The following TFAP2B variants were observed in gnomAD, a reference collection of about 807,000 sequenced individuals.
TFAP2B encodes the protein transcription factor AP-2-beta.
TFAP2B carries 9 observed loss-of-function variants against 44.3 expected under a neutral mutation model. That is an observed-to-expected ratio of 0.20 (90% CI 0.12 to 0.35). The LOEUF is 0.35. Among genes scored for constraint, TFAP2B ranks in the 10% least tolerant of loss-of-function variants. The pLI is 1.00. For missense variants in TFAP2B, 509 were observed against 600.0 expected (o/e 0.85, Z 1.59); for synonymous variants, 270 against 263.8 (o/e 1.02, Z -0.23).
At chr6:50,832,978 A>G (rs1762545473) in intron 3 of TFAP2B, among the ~76,000 whole-genome samples, 1 of 152,222 alleles carries the variant, frequency 6.6e-6, no homozygotes, top group African/African-American at 2.4e-5. Flanking sequence ...TGGGTGTTAC[A>G]TCCAGAACTT....
rs1762840087 is a variant in TFAP2B at position 50,845,941 on chromosome 6, A to AGGTGGGGAGGGCTCCC, written c.*2550_*2565dup. The AGGTGGGGAGGGCTCCC allele has an allele frequency of 6.6e-6, 1 of 152,512 alleles. No homozygotes were observed. The highest frequency in any genetic ancestry group is 6.5e-5 in the Admixed American group (1 of 15,282). The allele number at this position is 152,512 out of a possible 1,614,324, so 9.4% of individuals were successfully genotyped here. On this transcript the variant is annotated 3_prime_UTR_variant, in exon 7 of 7. Coordinates refer to ENST00000393655, the MANE Select transcript of TFAP2B (RefSeq NM_003221.4). ...AATGGGGCGGCGCCCGGTGGGCTGC[A>AGGTGGGGAGGGCTCCC]GGTGGGGAGGGCTCCCAGCGCCGCC...
rs761749209 is a variant in TFAP2B, at chr6:50,847,567, C to G, written c.*4175C>G. The G allele has an allele frequency of 6.6e-6, 1 of 152,452 alleles. No homozygotes were observed. The highest frequency in any genetic ancestry group is 1.5e-5 in the Non-Finnish European group (1 of 68,008). 9.4% of individuals were successfully genotyped at this position (152,452 alleles called of 1,614,324 possible). On this transcript the variant is annotated 3_prime_UTR_variant, in exon 7 of 7. Coordinates refer to ENST00000393655, the MANE Select transcript of TFAP2B (RefSeq NM_003221.4). ...TAATGGGTAGAAATTGGTTTATTGT[C>G]CAGTGTTAATCTGATTTACATAAAT...
intron 6 of TFAP2B, among the ~76,000 whole-genome samples, chr6:50,840,795 T>C (rs1161431895): frequency 3.3e-5 from 5 of 152,204 alleles, no homozygotes; most frequent in Non-Finnish European, 7.3e-5. Flanking sequence ...GAGGGGAAAA[T>C]AGTAAATCTC....
chr6:50,824,656 C>T (rs868593213), intron 2 of TFAP2B, among the ~76,000 whole-genome samples: 2 of 152,168 alleles, frequency 1.3e-5, no homozygotes, highest in African/African-American at 2.4e-5. Context: ...CTCCCCACTG[C>T]CATCATCCCA....
rs1038013697 is a variant in TFAP2B at position 50,844,972 on chromosome 6, G to A, written c.*1580G>A. 1 of 152,156 alleles carries A rather than the reference G, an allele frequency of 6.6e-6. No homozygotes were observed. Among genetic ancestry groups the A allele is most frequent in the African/African-American group, 2.4e-5 (1 of 41,438 alleles). The allele number at this position is 152,156 out of a possible 1,614,324, so 9.4% of individuals were successfully genotyped here. On this transcript the variant is annotated 3_prime_UTR_variant, in exon 7 of 7. Transcript: ENST00000393655. Reference sequence around the variant, plus strand: ...TTGATTTTTACCGTCTGGATACATCGGGACTATTCCCAGTGGATAAAGTTT... The same window carrying A: ...TTGATTTTTACCGTCTGGATACATCAGGACTATTCCCAGTGGATAAAGTTT...
In TFAP2B at chr6:50,846,785, A is replaced by G. The variant is rs1469771435; in HGVS notation, c.*3393A>G. ...TCTCCCCCTTTTCCCCACCACCTTCACTCCTACACCCCCAATTACCTTGCA... is the reference window on the plus strand; with the variant it reads ...TCTCCCCCTTTTCCCCACCACCTTCGCTCCTACACCCCCAATTACCTTGCA... On this transcript the variant is annotated 3_prime_UTR_variant, in exon 7 of 7. Coordinates refer to ENST00000393655, the MANE Select transcript of TFAP2B (RefSeq NM_003221.4). 6.6e-6 allele frequency: 1 copy of G among 150,816 alleles called. No individual in the cohort carries two copies. The highest frequency in any genetic ancestry group is 6.6e-5 in the Admixed American group (1 of 15,116). The allele number at this position is 150,816 out of a possible 1,614,324, so 9.3% of individuals were successfully genotyped here.
rs939998928 is a variant in TFAP2B at position 50,843,602 on chromosome 6, A to G, written c.*210A>G. The G allele has an allele frequency of 8.6e-6, 5 of 578,368 alleles. No individual in the cohort carries two copies. Among genetic ancestry groups the G allele is most frequent in the Non-Finnish European group, 1.5e-5 (5 of 340,318 alleles). The allele number at this position is 578,368 out of a possible 1,614,324, so 35.8% of individuals were successfully genotyped here. On this transcript the variant is annotated 3_prime_UTR_variant, in exon 7 of 7. Transcript: ENST00000393655. ...GCAACAATATCGGTTCTCAGTGTCTATTTCAAGATACATTTGGAGACAACC... is the reference window on the plus strand; with the variant it reads ...GCAACAATATCGGTTCTCAGTGTCTGTTTCAAGATACATTTGGAGACAACC...
chr6:50,820,461 A>G (rs1770310076), intron 1 of TFAP2B, among the ~76,000 whole-genome samples: 1 of 152,210 alleles, frequency 6.6e-6, no homozygotes, highest in Admixed American at 6.5e-5. Flanking sequence ...AGGAGGAGAT[A>G]AGAGAGGAGA....
At chr6:50,841,049 T>A (rs1330372401) in intron 6 of TFAP2B, among the ~76,000 whole-genome samples, 1 of 152,342 alleles carries the variant, frequency 6.6e-6, no homozygotes, top group East Asian at 1.9e-4. Flanking sequence ...TAAAGAAATA[T>A]ATGGAAGGCT....
intron 5 of TFAP2B, among the ~76,000 whole-genome samples, chr6:50,839,449 T>C (rs1291551031): frequency 6.6e-6 from 1 of 152,156 alleles, no homozygotes; most frequent in African/African-American, 2.4e-5. Flanking sequence ...GTTTAAAGGG[T>C]AATAATGCTT....
At position 50,836,286 on chromosome 6, in the gene TFAP2B, C is replaced by T. The variant is rs1192092938; in HGVS notation, c.821+6C>T. On this transcript the variant is annotated splice_donor_region_variant and intron_variant, in intron 4 of 6. Transcript: ENST00000393655. ...CTCGGCGGAGTCCTCAGAAGGTAAC[C>T]CCACCACGAAAAACAAAAACAAAAA... The T allele has an allele frequency of 6.2e-7, 1 of 1,608,798 alleles. No homozygotes were observed. The highest frequency in any genetic ancestry group is 1.7e-5 in the Admixed American group (1 of 59,988).
intron 3 of TFAP2B, among the ~76,000 whole-genome samples, chr6:50,833,855 T>C (rs1488050072): frequency 6.6e-6 from 1 of 152,220 alleles, no homozygotes; most frequent in Non-Finnish European, 1.5e-5. Flanking sequence ...GTGAATTTAG[T>C]ACTTTCAGCT....
intron 3 of TFAP2B, among the ~76,000 whole-genome samples, chr6:50,832,052 G>C (rs1020372262): frequency 6.6e-6 from 1 of 152,136 alleles, no homozygotes; most frequent in Non-Finnish European, 1.5e-5. Context: ...TATTACAATT[G>C]ATTCTGTTGG....
intron 6 of TFAP2B, 148 bp from the exon 7 acceptor site, chr6:50,842,944 G>A: frequency 8.9e-7 from 1 of 1,128,884 alleles, no homozygotes; most frequent in Non-Finnish European, 1.3e-6. Context: ...AAGGGAGGGC[G>A]CTGGGAAAGG....
At chr6:50,828,820 T>C in intron 3 of TFAP2B, 141 bp downstream of exon 3, 1 of 984,274 alleles carries the variant, frequency 1.0e-6, no homozygotes, top group African/African-American at 1.6e-5. Flanking sequence ...GCTGTCAGAT[T>C]AGGGGAAAGG....
chr6:50,846,690 T>C lies in TFAP2B; in HGVS notation c.*3298T>C, dbSNP rs1359696644. ...GCAGGTCTCTGGGGAGCAAGAAATG[T>C]CCTGTTTGGGTGAGGATTCCGTCAC... is the stretch of plus-strand genomic sequence containing the variant. On this transcript the variant is annotated 3_prime_UTR_variant, in exon 7 of 7. Coordinates refer to ENST00000393655, the MANE Select transcript of TFAP2B (RefSeq NM_003221.4). 6.6e-6 allele frequency: 1 copy of C among 152,242 alleles called. No individual in the cohort carries two copies. 9.4% of individuals were successfully genotyped at this position (152,242 alleles called of 1,614,324 possible).
chr6:50,839,485 C>A (rs1328163381), intron 5 of TFAP2B, among the ~76,000 whole-genome samples: 1 of 152,134 alleles, frequency 6.6e-6, no homozygotes. Flanking sequence ...TTCACATAAG[C>A]TGAGTAATAC....
intron 3 of TFAP2B, among the ~76,000 whole-genome samples, chr6:50,835,773 A>G (rs1420137709): frequency 6.6e-6 from 1 of 152,222 alleles, no homozygotes; most frequent in Non-Finnish European, 1.5e-5. Context: ...TTCCCAGCAC[A>G]GTCCAAACTC....
intron 2 of TFAP2B, among the ~76,000 whole-genome samples, chr6:50,826,917 C>T (rs543393489): frequency 1.2e-4 from 19 of 152,262 alleles, no homozygotes; most frequent in African/African-American, 4.3e-4. Context: ...TCTGCGCTTC[C>T]GCATGCAGTC....
Sources: gnomAD v4.1 joint callset for allele counts (sites outside exome capture counted in the v4.1 genomes callset) on GRCh38, gnomAD v4.1.1 for gene constraint, MANE v1.5 for transcripts, NCBI Gene and HGNC (gene_info 2026-07-23, HGNC 2026-07-21) for gene names.